ZNF783: variants seen among roughly 807,000 people sequenced by gnomAD.
ZNF783 encodes the protein zinc finger protein 783.
Under a neutral mutation model 31.3 loss-of-function variants are expected in ZNF783, and 25 were observed. The ratio of observed to expected loss-of-function variants is 0.80; its 90% confidence interval spans 0.58 to 1.11. The LOEUF is 1.11. Among genes scored for constraint, ZNF783 ranks in the 50% most tolerant of loss-of-function variants. The probability of loss-of-function intolerance (pLI) is 0.00; values close to 1 mark genes in which losing one functional copy is unlikely to be tolerated. For missense variants in ZNF783, 797 were observed against 760.0 expected, an observed-to-expected ratio of 1.05 and a Z score of -0.57; for synonymous variants, 369 against 319.1, an observed-to-expected ratio of 1.16 and a Z score of -1.66.
rs1412540764 is a variant in ZNF783, at chr7:149,281,964, G to A, written c.1262G>A (p.Gly421Glu). 4 of 1,568,726 alleles carry A rather than the reference G, an allele frequency of 2.5e-6. No homozygotes were observed. Among genetic ancestry groups the A allele is most frequent in the South Asian group, 1.1e-5 (1 of 87,000 alleles). ...CCTGAGGGTCGCCGCTCCGTGGCAG[G>A]GGGCCGTGCCTTGGTGGGGCGGCGG... ...EEPEGRRSVA[G>E]GRALVGRRPA... Residue 421 changes from glycine (G) to glutamate (E), a missense_variant, in exon 6 of 6, where the codon GGG (glycine) becomes GAG (glutamate). By Grantham distance (98) the Gly-to-Glu change is moderately conservative. Transcript: ENST00000434415.
chr7:149,264,155 T>A (rs1797005648), intron 1 of ZNF783, among the ~76,000 whole-genome samples: 1 of 152,218 alleles, frequency 6.6e-6, no homozygotes, highest in Non-Finnish European at 1.5e-5. Flanking sequence ...TATACAGAAT[T>A]TTTCTCCTGG....
At chr7:149,270,622 C>T (rs1797187729) in intron 4 of ZNF783, among the ~76,000 whole-genome samples, 1 of 152,154 alleles carries the variant, frequency 6.6e-6, no homozygotes, top group Non-Finnish European at 1.5e-5. Context: ...CCATGATTTT[C>T]CTGCTTAAAC....
At chr7:149,276,213 C>A in intron 4 of ZNF783, 2 of 467,450 alleles carry the variant, frequency 4.3e-6, no homozygotes, top group Non-Finnish European at 5.6e-6. Flanking sequence ...CTTAGTGGCT[C>A]ACGAACAGTC....
At position 149,266,839 on chromosome 7, in the gene ZNF783, T is replaced by C. The variant is rs1046702610; in HGVS notation, c.441T>C (p.Asp147=). 6.2e-7 allele frequency: 1 copy of C among 1,614,032 alleles called. No individual in the cohort carries two copies. Among genetic ancestry groups the C allele is most frequent in the African/African-American group, 1.3e-5 (1 of 74,974 alleles). The part of the protein sequence containing the change: ...EAPKVPVTFD[D]VAVYFSELEW... ...TCCAGGTGCCCGTGACCTTCGATGA[T>C]GTGGCCGTGTATTTCTCTGAGCTGG... Residue 147 remains aspartate, a synonymous_variant, in exon 3 of 6, where the codon GAT becomes GAC. Coordinates refer to ENST00000434415, the MANE Select transcript of ZNF783 (RefSeq NM_001195220.2).
chr7:149,263,496 A>G (rs1274289467), intron 1 of ZNF783, among the ~76,000 whole-genome samples: 2 of 151,836 alleles, frequency 1.3e-5, no homozygotes, highest in East Asian at 3.9e-4. Flanking sequence ...ATTTATATCT[A>G]TCTATCTATC....
intron 4 of ZNF783, 41 bp from the exon 5 acceptor site, chr7:149,278,358 C>G: frequency 6.3e-7 from 1 of 1,597,378 alleles, no homozygotes; most frequent in Non-Finnish European, 8.5e-7. Context: ...GGGCAGGAGA[C>G]CTCCATGTTG....
chr7:149,277,781 T>C (rs1185804022), intron 4 of ZNF783: 2 of 151,870 alleles, frequency 1.3e-5, no homozygotes, highest in Non-Finnish European at 2.9e-5. Context: ...CAGAGTTTGA[T>C]TTCTTGTGTG....
At chr7:149,271,002 C>T (rs879763030) in intron 4 of ZNF783, among the ~76,000 whole-genome samples, 3 of 152,126 alleles carry the variant, frequency 2.0e-5, no homozygotes, top group Non-Finnish European at 2.9e-5. Flanking sequence ...GGCTGGAGTG[C>T]GAGCTCACTC....
chr7:149,278,241 G>C, intron 4 of ZNF783, 158 bp from the exon 5 acceptor site: 1 of 1,428,658 alleles, frequency 7.0e-7, no homozygotes, highest in South Asian at 1.5e-5. Flanking sequence ...CTGGAATCTA[G>C]CTGCCAGGTA....
intron 1 of ZNF783, among the ~76,000 whole-genome samples, chr7:149,265,926 G>A (rs901430773): frequency 1.3e-4 from 20 of 152,220 alleles, no homozygotes; most frequent in African/African-American, 4.8e-4. Context: ...CACCTGGGCT[G>A]TCCACTGGGG....
At chr7:149,280,140 C>T (rs1295631034) in intron 5 of ZNF783, among the ~76,000 whole-genome samples, 7 of 144,666 alleles carry the variant, frequency 4.8e-5, no homozygotes, top group South Asian at 4.5e-4. Context: ...GCTGGCCGGG[C>T]GGGGGGCTGA....
chr7:149,284,825 G>C lies in ZNF783; in HGVS notation c.*2482G>C, dbSNP rs1797563961. 1 of 152,232 alleles carries C rather than the reference G, an allele frequency of 6.6e-6. No individual in the cohort carries two copies. The highest frequency in any genetic ancestry group is 2.1e-4 in the South Asian group (1 of 4,832). 9.4% of individuals were successfully genotyped at this position (152,232 alleles called of 1,614,324 possible). ...TGGTGCAGGAGCTGAGGGTGCCCCA[G>C]ACTCAGTGGGAGCCCTGGTTGGGCC... On this transcript the variant is annotated 3_prime_UTR_variant, in exon 6 of 6. Coordinates refer to ENST00000434415, the MANE Select transcript of ZNF783 (RefSeq NM_001195220.2).
Position 149,263,470 on chromosome 7 carries a change from C to T in ZNF783, c.24+1113C>T, listed in dbSNP as rs536792316. 5.3e-5 allele frequency among the ~76,000 whole-genome samples: 8 copies of T among 151,840 alleles called. No individual in the cohort carries two copies. The South Asian group carries it at 8.3e-4, about 16-fold the overall frequency. ...AATCCCAAGTAGCTGGGATTACAGG[C>T]GCAGGTGCCTGTCTCATTTATATCT... On this transcript the variant is annotated intron_variant, in intron 1 of 5. Transcript: ENST00000434415.
At chr7:149,265,354 T>C (rs1797039026) in intron 1 of ZNF783, among the ~76,000 whole-genome samples, 1 of 148,022 alleles carries the variant, frequency 6.8e-6, no homozygotes, top group Non-Finnish European at 1.5e-5. Flanking sequence ...GAGGTGGAGG[T>C]TAAAAAAAAG....
chr7:149,267,721 C>T (rs1307542086), intron 4 of ZNF783, among the ~76,000 whole-genome samples: 3 of 152,074 alleles, frequency 2.0e-5, no homozygotes, highest in Non-Finnish European at 4.4e-5. Flanking sequence ...GGCGTGAACC[C>T]GGGAGGCGGA....
chr7:149,262,299 C>A lies in ZNF783; in HGVS notation c.-35C>A, dbSNP rs1364538366. ...CGCCCCGGGCCCGACAGGCCGGGTCCAGGGACTGCAACCCAGCGAGGGACG... is the reference window on the plus strand; with the variant it reads ...CGCCCCGGGCCCGACAGGCCGGGTCAAGGGACTGCAACCCAGCGAGGGACG... On this transcript the variant is annotated 5_prime_UTR_variant, in exon 1 of 6. Transcript: ENST00000434415. 7.4e-7 allele frequency: 1 copy of A among 1,359,632 alleles called. No homozygotes were observed. Among genetic ancestry groups the A allele is most frequent in the Non-Finnish European group, 9.5e-7 (1 of 1,052,222 alleles). The allele number at this position is 1,359,632 out of a possible 1,614,324, so 84.2% of individuals were successfully genotyped here. A position where few individuals can be genotyped will look rare whatever the true frequency, so the allele number is the denominator to read the frequency against.
In ZNF783 at chr7:149,262,253, C is replaced by G; in HGVS notation, c.-81C>G. On this transcript the variant is annotated 5_prime_UTR_variant, in exon 1 of 6. Coordinates refer to ENST00000434415, the MANE Select transcript of ZNF783 (RefSeq NM_001195220.2). ...CTCAGGTTAGGCGGGTCCCGCTCCG[C>G]TTCCGCCGTCGCTGCCGCGCCGCCC... The G allele has an allele frequency of 7.9e-7, 1 of 1,260,916 alleles. No homozygotes were observed. Among genetic ancestry groups the G allele is most frequent in the Non-Finnish European group, 1.0e-6 (1 of 992,818 alleles). 78.1% of individuals were successfully genotyped at this position (1,260,916 alleles called of 1,614,324 possible). A position where few individuals can be genotyped will look rare whatever the true frequency, so the allele number is the denominator to read the frequency against.
chr7:149,282,575 A>G lies in ZNF783; in HGVS notation c.*232A>G. On this transcript the variant is annotated 3_prime_UTR_variant, in exon 6 of 6. Coordinates refer to ENST00000434415, the MANE Select transcript of ZNF783 (RefSeq NM_001195220.2). Reference sequence around the variant, plus strand: ...TAAAAGATGCCTTAAGGCTTAAGGGATGCCATATTTTTGATAAGGCCTCTG... The same window carrying G: ...TAAAAGATGCCTTAAGGCTTAAGGGGTGCCATATTTTTGATAAGGCCTCTG... The G allele has an allele frequency of 2.0e-6, 1 of 490,654 alleles. No individual in the cohort carries two copies. The highest frequency in any genetic ancestry group is 3.5e-6 in the Non-Finnish European group (1 of 283,382). 30.4% of individuals were successfully genotyped at this position (490,654 alleles called of 1,614,324 possible).
In ZNF783 at chr7:149,278,394, T is replaced by C; in HGVS notation, c.674-5T>C. 6.3e-7 allele frequency: 1 copy of C among 1,599,116 alleles called. No homozygotes were observed. The highest frequency in any genetic ancestry group is 8.5e-7 in the Non-Finnish European group (1 of 1,179,666). On this transcript the variant is annotated splice_region_variant and splice_polypyrimidine_tract_variant and intron_variant, in intron 4 of 5. Coordinates refer to ENST00000434415, the MANE Select transcript of ZNF783 (RefSeq NM_001195220.2). ...TGCTCAATGTCACTGATTTACATTC[T>C]CCAGGCCTCCCTCCGTATCCAGAGC...
Sources: allele counts gnomAD v4.1 joint callset (sites outside exome capture counted in the v4.1 genomes callset), GRCh38; gene constraint gnomAD v4.1.1; transcripts MANE v1.5; gene names NCBI Gene and HGNC (gene_info 2026-07-23, HGNC 2026-07-21).